Variants in PHACTR3 observed in about 807,000 individuals in gnomAD.
The protein encoded by PHACTR3 is phosphatase and actin regulator 3.
In PHACTR3, 16 loss-of-function variants were observed where a neutral mutation model predicts 66.8. The observed-to-expected ratio is 0.24, with a 90% CI of 0.16 to 0.36. The LOEUF (loss-of-function observed/expected upper bound fraction) is 0.36, where lower values mean the gene tolerates loss of function less well. Among genes scored for constraint, PHACTR3 ranks in the 10% least tolerant of loss-of-function variants. PHACTR3 has a pLI of 1.00. For synonymous variants in PHACTR3, 323 were observed against 292.1 expected (o/e 1.11, Z -1.08); for missense variants, 647 against 719.9 (o/e 0.90, Z 1.16).
chr20:59,755,066 G>A, intron 3 of PHACTR3, 116 bp from the exon 4 acceptor site: 1 of 991,870 alleles, frequency 1.0e-6, no homozygotes, highest in Non-Finnish European at 1.5e-6. Context: ...GAGGGGGAGA[G>A]GGGTGGGGGA....
intron 1 of PHACTR3, among the ~76,000 whole-genome samples, chr20:59,620,495 C>T (rs1393021965): frequency 6.6e-6 from 1 of 152,164 alleles, no homozygotes; most frequent in Non-Finnish European, 1.5e-5. Flanking sequence ...TAGCCTGATG[C>T]CTTTGAAGAG....
intron 1 of PHACTR3, among the ~76,000 whole-genome samples, chr20:59,636,589 T>C (rs372212022): frequency 6.6e-6 from 1 of 152,160 alleles, no homozygotes; most frequent in South Asian, 2.1e-4. Context: ...TTACTGGCTG[T>C]GAGGCTCTGG....
chr20:59,707,616 C>G (rs2037756849), intron 1 of PHACTR3, among the ~76,000 whole-genome samples: 1 of 151,966 alleles, frequency 6.6e-6, no homozygotes, highest in Non-Finnish European at 1.5e-5. Context: ...AGGGGGCATG[C>G]CACCAAGCCT....
At chr20:59,739,700 C>A (rs1405947593) in intron 1 of PHACTR3, among the ~76,000 whole-genome samples, 3 of 152,090 alleles carry the variant, frequency 2.0e-5, no homozygotes, top group Admixed American at 2.0e-4. Flanking sequence ...GATTATAATT[C>A]AAGATGAGAT....
chr20:59,768,531 G>A (rs569858425), intron 5 of PHACTR3, among the ~76,000 whole-genome samples: 16 of 152,338 alleles, frequency 1.1e-4, no homozygotes, highest in East Asian at 3.9e-4. Context: ...GCTACCACAC[G>A]TGTGGCCAGG....
intron 11 of PHACTR3, chr20:59,844,963 A>G (rs2059124519): frequency 7.8e-6 from 3 of 384,620 alleles, no homozygotes; most frequent in Non-Finnish European, 1.5e-5. Context: ...TTATGTATCA[A>G]TAAAATTTTT....
At chr20:59,656,793 T>A (rs191260888) in intron 1 of PHACTR3, among the ~76,000 whole-genome samples, 6 of 152,096 alleles carry the variant, frequency 3.9e-5, no homozygotes, top group Non-Finnish European at 7.4e-5. Context: ...AATCATTTTT[T>A]AAAAATTTAT....
At chr20:59,817,108 T>C (rs1360084651) in intron 8 of PHACTR3, among the ~76,000 whole-genome samples, 2 of 152,388 alleles carry the variant, frequency 1.3e-5, no homozygotes, top group Non-Finnish European at 2.9e-5. Context: ...TAAGTGTTTA[T>C]TGAATGAATA....
At chr20:59,758,757 C>T (rs112195847) in intron 4 of PHACTR3, among the ~76,000 whole-genome samples, 1,659 of 152,272 alleles carry the variant, frequency 0.011, 31 homozygotes, top group African/African-American at 0.038. Flanking sequence ...GACATCAGGC[C>T]GACCTGGGTT....
intron 4 of PHACTR3, among the ~76,000 whole-genome samples, chr20:59,762,211 T>A (rs903188194): frequency 6.6e-6 from 1 of 152,176 alleles, no homozygotes; most frequent in Non-Finnish European, 1.5e-5. Flanking sequence ...AGGGTTTTGG[T>A]CAGCGTAGCT....
intron 8 of PHACTR3, among the ~76,000 whole-genome samples, chr20:59,823,321 C>T (rs138569824): frequency 1.9e-4 from 29 of 152,202 alleles, no homozygotes; most frequent in African/African-American, 6.5e-4. Flanking sequence ...ATATTACCTC[C>T]CATGTGCTGT....
chr20:59,758,397 T>A (rs1361131728), intron 4 of PHACTR3, among the ~76,000 whole-genome samples: 1 of 152,166 alleles, frequency 6.6e-6, no homozygotes. Context: ...AAATATAAAT[T>A]CACTTAAAGT....
intron 1 of PHACTR3, among the ~76,000 whole-genome samples, chr20:59,708,803 G>T (rs1025360152): frequency 8.5e-5 from 13 of 152,188 alleles, no homozygotes; most frequent in Non-Finnish European, 1.3e-4. Flanking sequence ...ATTTAATCTT[G>T]AAACAGGGAT....
intron 8 of PHACTR3, among the ~76,000 whole-genome samples, chr20:59,810,893 G>A (rs2041718264): frequency 6.6e-6 from 1 of 152,220 alleles, no homozygotes; most frequent in African/African-American, 2.4e-5. Context: ...GGTGTGCACT[G>A]GAAATTATGC....
intron 8 of PHACTR3, among the ~76,000 whole-genome samples, chr20:59,806,638 T>C (rs1292388381): frequency 6.6e-6 from 1 of 152,162 alleles, no homozygotes; most frequent in East Asian, 1.9e-4. Context: ...ATCTTCTAAA[T>C]TTGTCAAGTA....
chr20:59,710,184 G>T (rs1210766710), intron 1 of PHACTR3, among the ~76,000 whole-genome samples: 1 of 152,078 alleles, frequency 6.6e-6, no homozygotes, highest in African/African-American at 2.4e-5. Context: ...GAATCAAAAG[G>T]CTTATCTTAA....
At chr20:59,742,892 G>A (rs566011276) in intron 1 of PHACTR3, among the ~76,000 whole-genome samples, 236 of 152,286 alleles carry the variant, frequency 1.5e-3, no homozygotes, top group African/African-American at 5.4e-3. Flanking sequence ...GGCCGTGAGT[G>A]GGTCGCAGGA....
chr20:59,680,493 G>T (rs901111586), intron 1 of PHACTR3, among the ~76,000 whole-genome samples: 2 of 152,138 alleles, frequency 1.3e-5, no homozygotes, highest in Admixed American at 1.3e-4. Flanking sequence ...CGAACATCAT[G>T]CAGTTTACGC....
chr20:59,690,343 C>G (rs903498678), intron 1 of PHACTR3, among the ~76,000 whole-genome samples: 4 of 152,334 alleles, frequency 2.6e-5, no homozygotes, highest in Middle Eastern at 3.4e-3. Context: ...TCACCAGGGC[C>G]CATCACGTCA....
Sources: gnomAD v4.1 joint callset for allele counts (sites outside exome capture counted in the v4.1 genomes callset) on GRCh38, gnomAD v4.1.1 for gene constraint, MANE v1.5 for transcripts, NCBI Gene and HGNC (gene_info 2026-07-23, HGNC 2026-07-21) for gene names.